The following KCNH6 variants were observed in gnomAD, a reference collection of about 807,000 sequenced individuals.
KCNH6 encodes voltage-gated inwardly rectifying potassium channel KCNH6.
KCNH6 carries 81 observed loss-of-function variants against 83.4 expected under a neutral mutation model. That is an observed-to-expected ratio of 0.97 (90% CI 0.81 to 1.17). The LOEUF (loss-of-function observed/expected upper bound fraction) is 1.17, where lower values mean the gene tolerates loss of function less well. Among genes scored for constraint, KCNH6 ranks in the 50% most tolerant of loss-of-function variants. KCNH6 has a pLI of 0.00. For synonymous variants in KCNH6, 503 were observed against 545.6 expected (o/e 0.92, Z 1.09); for missense variants, 1,203 against 1,290.5 (o/e 0.93, Z 1.04).
chr17:63,545,338 G>A, intron 12 of KCNH6, 74 bp downstream of exon 12: 1 of 1,500,640 alleles, frequency 6.7e-7, no homozygotes, highest in Non-Finnish European at 9.2e-7. Flanking sequence ...CTTGTTCACA[G>A]TGCAGCATCA....
chr17:63,538,304 G>A lies in KCNH6; in HGVS notation c.1701+40G>A, dbSNP rs1285919182. 1.9e-6 allele frequency: 3 copies of A among 1,612,184 alleles called. No homozygotes were observed. The African/African-American group carries it at 4.0e-5, about 22-fold the overall frequency. ...TCCGGCTAATGCCCCGGGCGTGGGG[G>A]GGAGCCAAGATCCTGCGGGGGCGGG... On this transcript the variant is annotated intron_variant, in intron 7 of 12. Transcript: ENST00000314672. The surrounding 1 kb of genome is among the most constrained non-coding windows in gnomAD (Gnocchi z 4.0).
intron 8 of KCNH6, among the ~76,000 whole-genome samples, chr17:63,539,991 GT>G (rs1170337713): frequency 3.3e-5 from 5 of 152,202 alleles, no homozygotes; most frequent in Non-Finnish European, 7.3e-5. Flanking sequence ...ACTACTTAGA[GT>G]TCTCTAAATC....
chr17:63,534,573 A>G lies in KCNH6; in HGVS notation c.1101+262A>G, dbSNP rs763931186. Among the ~76,000 whole-genome samples, 4 of 151,914 alleles carry G rather than the reference A, an allele frequency of 2.6e-5. No homozygotes were observed. Among genetic ancestry groups the G allele is most frequent in the Non-Finnish European group, 5.9e-5 (4 of 67,970 alleles). ...GTAAGAGGAGCAGGCTGCCCCTTCC[A>G]GGATGGGCACTCGTGTGGTCCCGGC... On this transcript the variant is annotated intron_variant, in intron 5 of 12. Coordinates refer to ENST00000314672, the MANE Select transcript of KCNH6 (RefSeq NM_001278919.2). The surrounding 1 kb of genome is among the most constrained non-coding windows in gnomAD (Gnocchi z 5.0).
At position 63,538,079 on chromosome 17, in the gene KCNH6, A is replaced by G; in HGVS notation, c.1516A>G (p.Ser506Gly). ...VMLIGSLMYA[S>G]IFGNVSAIIQ... ...CCCGCCCCCAGCCCTGATGTACGCC[A>G]GCATCTTCGGGAACGTGTCCGCGAT... is the stretch of plus-strand genomic sequence containing the variant. Residue 506 changes from serine (S) to glycine (G), a missense_variant, in exon 7 of 13, where the codon AGC (serine) becomes GGC (glycine). By Grantham distance (56) the Ser-to-Gly change is moderately conservative. Coordinates refer to ENST00000314672, the MANE Select transcript of KCNH6 (RefSeq NM_001278919.2). This position sits in a 1 kb window ranked among gnomAD's most constrained non-coding sequence, Gnocchi z 4.0. The G allele has an allele frequency of 1.2e-6, 2 of 1,613,650 alleles. No individual in the cohort carries two copies. The highest frequency in any genetic ancestry group is 1.7e-6 in the Non-Finnish European group (2 of 1,179,968).
intron 8 of KCNH6, among the ~76,000 whole-genome samples, chr17:63,540,731 C>T (rs992903215): frequency 6.6e-6 from 1 of 152,206 alleles, no homozygotes; most frequent in Non-Finnish European, 1.5e-5. Flanking sequence ...TCTCAGCCTC[C>T]ACCCATCCTT....
chr17:63,531,446 T>C (rs1046109131), intron 4 of KCNH6, among the ~76,000 whole-genome samples: 2 of 152,216 alleles, frequency 1.3e-5, no homozygotes, highest in African/African-American at 4.8e-5. Context: ...CAGGCCAAGG[T>C]TGAGCAATGC....
intron 2 of KCNH6, among the ~76,000 whole-genome samples, chr17:63,529,444 C>G (rs1597977799): frequency 1.3e-5 from 2 of 152,228 alleles, no homozygotes; most frequent in African/African-American, 4.8e-5. Context: ...CCAAACAAGT[C>G]CCTTCCCTTT....
chr17:63,530,231 T>A lies in KCNH6; in HGVS notation c.448T>A (p.Ser150Thr). The A allele has an allele frequency of 6.2e-7, 1 of 1,614,100 alleles. No individual in the cohort carries two copies. Among genetic ancestry groups the A allele is most frequent in the Non-Finnish European group, 8.5e-7 (1 of 1,179,950 alleles). The change falls in exon 3 of 13, where the codon TCC becomes ACC. Residue 150 changes from serine (S) to threonine (T), a missense_variant. Coordinates refer to ENST00000314672, the MANE Select transcript of KCNH6 (RefSeq NM_001278919.2). Reference protein sequence around the residue: ...SSRSLSQRLLSQSFLGSEGSH... With the variant: ...SSRSLSQRLLTQSFLGSEGSH... The stretch of plus-strand genomic sequence containing the variant: ...CCGCAGCTTGTCCCAGCGCCTGTTG[T>A]CCCAGAGCTTCCTGGGCTCCGGTGA...
In KCNH6 at chr17:63,534,312, G is replaced by A. The variant is rs750902188; in HGVS notation, c.1101+1G>A. The A allele has an allele frequency of 1.0e-5, 16 of 1,607,308 alleles. No homozygotes were observed. Among genetic ancestry groups the A allele is most frequent in the Non-Finnish European group, 1.4e-5 (16 of 1,176,292 alleles). ...GATCTTCCGCACTGGCTCCGATGAG[G>A]TGAGCAGACCCCCTCCAGGCCAGCA... On this transcript the variant is annotated splice_donor_variant, in intron 5 of 12. Transcript: ENST00000314672. LOFTEE classifies it high-confidence loss of function. The surrounding 1 kb of genome is among the most constrained non-coding windows in gnomAD (Gnocchi z 5.0).
Position 63,542,449 on chromosome 17 carries a change from G to A in KCNH6, c.2148+15G>A. 6.2e-7 allele frequency: 1 copy of A among 1,609,540 alleles called. No individual in the cohort carries two copies. Among genetic ancestry groups the A allele is most frequent in the Non-Finnish European group, 8.5e-7 (1 of 1,176,606 alleles). ...ACCTGCGGGACGTGAGTCAGGGCCA[G>A]GTGGGCCAGGGTGGGTGGAAATGCC... On this transcript the variant is annotated intron_variant, in intron 9 of 12. Coordinates refer to ENST00000314672, the MANE Select transcript of KCNH6 (RefSeq NM_001278919.2).
chr17:63,543,777 G>A (rs1252264421), intron 10 of KCNH6, 117 bp downstream of exon 10: 4 of 709,860 alleles, frequency 5.6e-6, no homozygotes, highest in Non-Finnish European at 7.6e-6. Context: ...AGTGGAGAGG[G>A]GCTCCCTCTC....
At chr17:63,536,225 G>T in intron 6 of KCNH6, 157 bp downstream of exon 6, 2 of 670,630 alleles carry the variant, frequency 3.0e-6, no homozygotes, top group Non-Finnish European at 5.1e-6. Context: ...TTGCTGGTGT[G>T]TGCACCAAGT....
intron 9 of KCNH6, among the ~76,000 whole-genome samples, chr17:63,543,286 T>TGATGATACGGCGA: frequency 6.6e-6 from 1 of 150,700 alleles, no homozygotes; most frequent in East Asian, 2.0e-4. Flanking sequence ...CCTCAGTTTC[T>TGATGATACGGCGA]CCCCTCCCTC....
intron 6 of KCNH6, among the ~76,000 whole-genome samples, chr17:63,537,809 T>G (rs943845320): frequency 6.6e-6 from 1 of 152,194 alleles, no homozygotes; most frequent in Non-Finnish European, 1.5e-5. Context: ...ATCCATTGCC[T>G]TCCTTCTTTC....
chr17:63,548,220 C>T (rs1365427393), downstream of KCNH6, among the ~76,000 whole-genome samples: 6 of 152,036 alleles, frequency 3.9e-5, no homozygotes, highest in Admixed American at 3.3e-4. Context: ...GAGCCAAGAT[C>T]GTGCCACTGC....
intron 2 of KCNH6, among the ~76,000 whole-genome samples, chr17:63,526,355 G>A (rs1327785657): frequency 4.0e-5 from 6 of 149,736 alleles, no homozygotes; most frequent in African/African-American, 1.5e-4. Flanking sequence ...GATAACTGAT[G>A]TTCACCTTAA....
intron 4 of KCNH6, 102 bp downstream of exon 4, chr17:63,530,644 G>A: frequency 1.0e-6 from 1 of 998,246 alleles, no homozygotes; most frequent in Non-Finnish European, 1.5e-6. Flanking sequence ...CCGATAAAGA[G>A]ATCCTGCCTG....
At position 63,545,554 on chromosome 17, in the gene KCNH6, G is replaced by T. The variant is rs2033103421; in HGVS notation, c.2584-55G>T. ...GCCTGATCCCATCCCTGAAATCAGG[G>T]TGGATTAACCCGCAGCCTGGCCTGG... On this transcript the variant is annotated intron_variant, in intron 12 of 12. Transcript: ENST00000314672. The T allele has an allele frequency of 4.5e-6, 7 of 1,553,786 alleles. No individual in the cohort carries two copies. The African/African-American group carries it at 9.5e-5, about 21-fold the overall frequency.
At position 63,546,517 on chromosome 17, in the gene KCNH6, C is replaced by T. The variant is rs2033151835; in HGVS notation, c.*615C>T. ...TTGCTCTGAGCCTCCCAGCTCAGAA[C>T]CCTCCAGCACCTCATGGCTCAGCAC... is the stretch of plus-strand genomic sequence containing the variant. On this transcript the variant is annotated 3_prime_UTR_variant, in exon 13 of 13. Transcript: ENST00000314672. The T allele has an allele frequency of 6.6e-6, 1 of 152,554 alleles. No individual in the cohort carries two copies. Among genetic ancestry groups the T allele is most frequent in the African/African-American group, 2.4e-5 (1 of 41,452 alleles). 9.5% of individuals were successfully genotyped at this position (152,554 alleles called of 1,614,324 possible).
Sources: allele counts gnomAD v4.1 joint callset (sites outside exome capture counted in the v4.1 genomes callset), GRCh38; gene constraint gnomAD v4.1.1; non-coding constraint Gnocchi (gnomAD v3.1); transcripts MANE v1.5; gene names NCBI Gene and HGNC (gene_info 2026-07-23, HGNC 2026-07-21).